INSYN2B: variants seen among roughly 807,000 people sequenced by gnomAD.
INSYN2B encodes inhibitory synaptic factor family member 2B, also known as protein INSYN2B.
A neutral mutation model predicts 41.2 loss-of-function variants in INSYN2B; 16 were observed. The observed-to-expected ratio is 0.39, with a 90% CI of 0.26 to 0.59. INSYN2B has a LOEUF of 0.59. Ranked by LOEUF, INSYN2B falls within the 20% of genes least tolerant of loss-of-function variation. The pLI, the probability that INSYN2B is intolerant of heterozygous loss-of-function variation, is 0.57. For missense variants in INSYN2B, 608 were observed against 646.4 expected (o/e 0.94, Z 0.64); for synonymous variants, 245 against 244.4 (o/e 1.00, Z -0.02).
chr5:169,893,531 A>G (rs975716924), intron 1 of INSYN2B, among the ~76,000 whole-genome samples: 3 of 110,560 alleles, frequency 2.7e-5, no homozygotes, highest in Non-Finnish European at 5.8e-5. Context: ...AATTTGATTT[A>G]TTTTTCCTGG....
chr5:169,937,491 T>C (rs1392409221), intron 1 of INSYN2B, among the ~76,000 whole-genome samples: 1 of 152,182 alleles, frequency 6.6e-6, no homozygotes, highest in African/African-American at 2.4e-5. Flanking sequence ...GCTTGGCACA[T>C]AGTAAGTGTT....
chr5:169,908,766 G>C (rs1217673189), intron 1 of INSYN2B, among the ~76,000 whole-genome samples: 1 of 139,426 alleles, frequency 7.2e-6, no homozygotes, highest in Non-Finnish European at 1.5e-5. Flanking sequence ...CCAGGATAGA[G>C]TGCAGTGGTG....
At chr5:169,946,114 A>C (rs1269810757) in intron 1 of INSYN2B, among the ~76,000 whole-genome samples, 1 of 152,210 alleles carries the variant, frequency 6.6e-6, no homozygotes, top group African/African-American at 2.4e-5. Flanking sequence ...AGGCCATCTC[A>C]GCACAGCAAA....
At chr5:169,876,667 C>T (rs1190392976) in intron 3 of INSYN2B, among the ~76,000 whole-genome samples, 5 of 152,224 alleles carry the variant, frequency 3.3e-5, no homozygotes, top group African/African-American at 7.2e-5. Context: ...TGGCAACCTA[C>T]GGGCTTACAT....
chr5:169,977,557 C>G (rs923488434), intron 1 of INSYN2B, among the ~76,000 whole-genome samples: 3 of 152,192 alleles, frequency 2.0e-5, no homozygotes, highest in Non-Finnish European at 4.4e-5. Context: ...AGGCACAAGA[C>G]CCTGCTCGAG....
chr5:169,878,273 T>C (rs974172005), intron 3 of INSYN2B, among the ~76,000 whole-genome samples: 1 of 152,186 alleles, frequency 6.6e-6, no homozygotes. Context: ...ATTCTCCACC[T>C]TCATGGTTTT....
intron 1 of INSYN2B, 137 bp from the exon 2 acceptor site, chr5:169,884,953 G>C (rs910148176): frequency 6.6e-6 from 1 of 152,132 alleles, no homozygotes; most frequent in African/African-American, 2.4e-5. Context: ...CCTTTCTCTC[G>C]GTTCTCTTTG....
chr5:169,862,493 C>T lies in INSYN2B; in HGVS notation c.*1780G>A, dbSNP rs566617593. ...TTGCTGGGGCCAACTGACAGTTGAT[C>T]GTATGGATACAGGAAAAAAAAAATC... On this transcript the variant is annotated 3_prime_UTR_variant, in exon 4 of 4. Transcript: ENST00000377365. Among the ~76,000 whole-genome samples, 4 of 151,004 alleles carry T rather than the reference C, an allele frequency of 2.6e-5. No individual in the cohort carries two copies. Among genetic ancestry groups the T allele is most frequent in the East Asian group, 1.9e-4 (1 of 5,150 alleles).
intron 1 of INSYN2B, among the ~76,000 whole-genome samples, chr5:169,904,008 G>C (rs1233531059): frequency 6.7e-6 from 1 of 149,368 alleles, no homozygotes; most frequent in Non-Finnish European, 1.5e-5. Context: ...CATGAGAATT[G>C]CTTGAGCCTG....
At chr5:169,918,784 G>T in intron 1 of INSYN2B, among the ~76,000 whole-genome samples, 1 of 152,086 alleles carries the variant, frequency 6.6e-6, no homozygotes, top group Non-Finnish European at 1.5e-5. Context: ...GTGGTGGCAG[G>T]TACCAGTAAT....
intron 1 of INSYN2B, among the ~76,000 whole-genome samples, chr5:169,908,713 C>CTTTTTTTTTTTTTTTT (rs34261104): frequency 2.9e-5 from 3 of 105,074 alleles, no homozygotes; most frequent in Non-Finnish European, 5.6e-5. Context: ...TTTCTTTTTT[C>CTTTTTTTTTTTTTTTT]TTTTTTTTTT....
Position 169,978,392 on chromosome 5 carries a change from TGG to T in INSYN2B, c.-919+1883_-919+1884del, listed in dbSNP as rs150934804. On this transcript the variant is annotated intron_variant, in intron 1 of 3. Transcript: ENST00000377365. ...CTCTGTGTATGTGTGTGTGTGTGTG[TGG>T]GGGGGGGGGGGTGTAGGTGTGTTTG... 4.9e-3 allele frequency among the ~76,000 whole-genome samples: 112 copies of T among 22,732 alleles called. 2 individuals carry two copies. Among genetic ancestry groups the T allele is most frequent in the South Asian group, 0.014 (7 of 516 alleles). 14.9% of individuals were successfully genotyped at this position (22,732 alleles called of 152,430 possible).
chr5:169,890,028 A>G (rs1163995773), intron 1 of INSYN2B, among the ~76,000 whole-genome samples: 1 of 152,222 alleles, frequency 6.6e-6, no homozygotes, highest in Non-Finnish European at 1.5e-5. Context: ...AATCCCCACT[A>G]GGGAGGCTGG....
At chr5:169,876,994 A>G (rs921149407) in intron 3 of INSYN2B, among the ~76,000 whole-genome samples, 2 of 152,222 alleles carry the variant, frequency 1.3e-5, no homozygotes, top group African/African-American at 2.4e-5. Flanking sequence ...TTACAATGCA[A>G]TAGGATCAGT....
chr5:169,906,491 G>A (rs1327475664), intron 1 of INSYN2B, among the ~76,000 whole-genome samples: 2 of 152,136 alleles, frequency 1.3e-5, no homozygotes, highest in Non-Finnish European at 2.9e-5. Context: ...GTTACGTTAT[G>A]TTATGTTATT....
chr5:169,929,948 G>A (rs1775665538), intron 1 of INSYN2B, among the ~76,000 whole-genome samples: 1 of 151,956 alleles, frequency 6.6e-6, no homozygotes, highest in Non-Finnish European at 1.5e-5. Context: ...TTGAAATAGG[G>A]CTAATGTGAC....
chr5:169,968,575 C>T (rs920268387), intron 1 of INSYN2B, among the ~76,000 whole-genome samples: 13 of 152,280 alleles, frequency 8.5e-5, no homozygotes, highest in African/African-American at 2.6e-4. Context: ...CTATGGAGTT[C>T]GTGCAGATAC....
intron 1 of INSYN2B, among the ~76,000 whole-genome samples, chr5:169,929,741 C>CAAA (rs1211612989): frequency 0.01 from 639 of 62,812 alleles, 13 homozygotes; most frequent in African/African-American, 0.034. Flanking sequence ...GACCCTGTCT[C>CAAA]AAAAAAAAAA....
At chr5:169,880,000 CCTCT>C (rs2113495015) in intron 3 of INSYN2B, among the ~76,000 whole-genome samples, 1 of 152,194 alleles carries the variant, frequency 6.6e-6, no homozygotes, top group South Asian at 2.1e-4. Flanking sequence ...ATAGTTTTGT[CCTCT>C]CTGTCTAGAC....
Sources: allele counts gnomAD v4.1 joint callset (sites outside exome capture counted in the v4.1 genomes callset), GRCh38; gene constraint gnomAD v4.1.1; transcripts MANE v1.5; gene names NCBI Gene and HGNC (gene_info 2026-07-23, HGNC 2026-07-21).